The following TTC7A variants were observed in gnomAD, a reference collection of about 807,000 sequenced individuals.
The protein encoded by TTC7A is tetratricopeptide repeat domain 7A.
TTC7A carries 110 observed loss-of-function variants against 103.7 expected under a neutral mutation model. The observed-to-expected ratio is 1.06, with a 90% CI of 0.91 to 1.24. The LOEUF is 1.24. TTC7A is among the 50% of genes most tolerant of loss of function. The pLI is 0.00. For missense variants in TTC7A, 1,340 were observed against 1,116.3 expected, an observed-to-expected ratio of 1.20 and a Z score of -2.86; for synonymous variants, 521 against 467.9, an observed-to-expected ratio of 1.11 and a Z score of -1.47.
intron 5 of TTC7A, among the ~76,000 whole-genome samples, chr2:46,988,857 G>A (rs1675312251): frequency 6.6e-6 from 1 of 152,182 alleles, no homozygotes; most frequent in African/African-American, 2.4e-5. Flanking sequence ...CCGTAAGCCT[G>A]CCTCTCCCTT....
At chr2:47,058,631 G>A (rs977483443) in intron 18 of TTC7A, among the ~76,000 whole-genome samples, 1 of 152,222 alleles carries the variant, frequency 6.6e-6, no homozygotes, top group African/African-American at 2.4e-5. Flanking sequence ...GCCCTTCTGC[G>A]TTCCTCATCT....
chr2:46,945,125 C>A (rs987026757), intron 1 of TTC7A, among the ~76,000 whole-genome samples: 1 of 152,004 alleles, frequency 6.6e-6, no homozygotes, highest in African/African-American at 2.4e-5. Context: ...TTGAGACTTT[C>A]TTTTTAATTT....
chr2:47,060,621 C>G (rs1344193520), intron 18 of TTC7A, 148 bp from the exon 19 acceptor site: 11 of 681,476 alleles, frequency 1.6e-5, no homozygotes. Context: ...CCACTACATC[C>G]TATAGTCAGT....
rs111382384 is a variant in TTC7A, at chr2:47,023,340, T to C, written c.1511-68T>C. 9.5e-3 allele frequency: 14,502 copies of C among 1,521,064 alleles called. 1,136 individuals carry two copies. In the African/African-American group the frequency reaches 0.18, roughly 18 times the overall value. The allele number at this position is 1,521,064 out of a possible 1,614,324, so 94.2% of individuals were successfully genotyped here. On this transcript the variant is annotated intron_variant, in intron 12 of 19. Coordinates refer to ENST00000319190, the MANE Select transcript of TTC7A (RefSeq NM_020458.4). ...TCTGCAGAGCTGTGTGCTTTGAGGA[T>C]GGTGCAGGGCTGGGCCGGCACCCTT...
chr2:46,977,972 G>A (rs1558530505), intron 4 of TTC7A: 1 of 152,254 alleles, frequency 6.6e-6, no homozygotes. Context: ...GCATAAGTAA[G>A]ATTTGGGCTT....
At chr2:47,006,758 C>A (rs776719371) in intron 10 of TTC7A, 34 bp downstream of exon 10, 3 of 1,519,600 alleles carry the variant, frequency 2.0e-6, no homozygotes, top group Admixed American at 3.3e-5. Flanking sequence ...GTTGCACACT[C>A]ACCCGCAGGG....
intron 18 of TTC7A, among the ~76,000 whole-genome samples, chr2:47,056,312 C>G (rs1273667194): frequency 6.6e-6 from 1 of 152,234 alleles, no homozygotes; most frequent in Non-Finnish European, 1.5e-5. Context: ...AGGGTCAAGG[C>G]TAGCCATGGT....
intron 19 of TTC7A, among the ~76,000 whole-genome samples, chr2:47,071,595 T>C (rs1376369883): frequency 2.6e-5 from 4 of 152,204 alleles, no homozygotes; most frequent in South Asian, 4.1e-4. Flanking sequence ...TCAGAGAAAG[T>C]TGGCCATTTG....
In TTC7A at chr2:47,024,308, T is replaced by C; in HGVS notation, c.1590T>C (p.Ser530=). The change falls in exon 14 of 20, where the codon AGT becomes AGC. Residue 530 remains serine, a synonymous_variant. Coordinates refer to ENST00000319190, the MANE Select transcript of TTC7A (RefSeq NM_020458.4). ...ACAGGGCTCAGCAGCTGGCGCCCAG[T>C]GACCCCCAGGTCATCCTCTATGTCT... ...TLERAQQLAP[S]DPQVILYVSL... is the part of the protein sequence containing the mutation. The C allele has an allele frequency of 6.2e-7, 1 of 1,608,108 alleles. No individual in the cohort carries two copies. Among genetic ancestry groups the C allele is most frequent in the South Asian group, 1.1e-5 (1 of 90,308 alleles).
At chr2:47,046,260 A>G (rs972381996) in intron 15 of TTC7A, 55 bp from the exon 16 acceptor site, 7 of 1,408,440 alleles carry the variant, frequency 5.0e-6, no homozygotes, top group African/African-American at 2.8e-5. Context: ...CAGGATCCCC[A>G]GGTGAAAGTG....
intron 1 of TTC7A, among the ~76,000 whole-genome samples, chr2:46,916,927 C>G (rs556299940): frequency 6.6e-6 from 1 of 151,968 alleles, no homozygotes; most frequent in Admixed American, 6.5e-5. Context: ...GCCACCACTC[C>G]CGGCAGGACG....
chr2:46,926,150 G>C (rs935544390), intron 2 of TTC7A, among the ~76,000 whole-genome samples: 2 of 152,178 alleles, frequency 1.3e-5, no homozygotes, highest in African/African-American at 4.8e-5. Context: ...CTCCACAGAA[G>C]AATCTCCTCC....
At chr2:47,013,456 C>T (rs896511473) in intron 11 of TTC7A, among the ~76,000 whole-genome samples, 9 of 152,130 alleles carry the variant, frequency 5.9e-5, no homozygotes, top group African/African-American at 2.2e-4. Context: ...GCTCCTAGGG[C>T]TTCTGAGAGG....
intron 8 of TTC7A, chr2:46,999,680 A>G (rs1676592423): frequency 1.0e-6 from 1 of 985,350 alleles, no homozygotes. Flanking sequence ...TTTTGAAAGA[A>G]CCGTGTATCA....
Position 46,941,368 on chromosome 2 carries a change from T to A in TTC7A, c.-174T>A, listed in dbSNP as rs1017197596. The A allele has an allele frequency of 7.5e-6, 3 of 398,120 alleles. No individual in the cohort carries two copies. Among genetic ancestry groups the A allele is most frequent in the African/African-American group, 6.4e-5 (3 of 46,696 alleles). The allele number at this position is 398,120 out of a possible 1,614,324, so 24.7% of individuals were successfully genotyped here. ...GCGGTGCGCTGGGAGCTGCTGGTGC[T>A]GCTGCTGCTGCTGCTGCCCACCCTC... On this transcript the variant is annotated 5_prime_UTR_variant, in exon 1 of 20. Transcript: ENST00000319190. This position sits in a 1 kb window ranked among gnomAD's most constrained non-coding sequence, Gnocchi z 4.2.
chr2:47,003,061 G>A lies in TTC7A; in HGVS notation c.1066-2861G>A, dbSNP rs551315338. Among the ~76,000 whole-genome samples the A allele has an allele frequency of 2.0e-5, 3 of 152,240 alleles. No homozygotes were observed. The South Asian group carries it at 6.2e-4, about 32-fold the overall frequency. On this transcript the variant is annotated intron_variant, in intron 8 of 19. Coordinates refer to ENST00000319190, the MANE Select transcript of TTC7A (RefSeq NM_020458.4). The stretch of plus-strand genomic sequence containing the variant: ...TCTGACCTAATTAACGCCCGGTTCT[G>A]AAAATCCACCCCTCCCTCTGCCAGA...
At chr2:46,949,584 A>G (rs975712129) in intron 1 of TTC7A, among the ~76,000 whole-genome samples, 22 of 152,140 alleles carry the variant, frequency 1.4e-4, no homozygotes, top group African/African-American at 4.8e-4. Context: ...CAAATGAGCT[A>G]CCCTCATTTG....
chr2:46,983,473 C>G (rs1674685919), intron 5 of TTC7A, among the ~76,000 whole-genome samples: 2 of 152,208 alleles, frequency 1.3e-5, no homozygotes, highest in South Asian at 4.1e-4. Flanking sequence ...CCCTTGTCTC[C>G]CTCTGCCAGT....
chr2:47,051,871 C>T lies in TTC7A; in HGVS notation c.2143C>T (p.Leu715=). The change falls in exon 18 of 20, where the codon CTG becomes TTG. Residue 715 remains leucine (L), a synonymous_variant. Coordinates refer to ENST00000319190, the MANE Select transcript of TTC7A (RefSeq NM_020458.4). The part of the protein sequence containing the change: ...QLWTTLEQIW[L]QAAELFMEQQ... ...GTGGACCACGCTGGAACAGATCTGG[C>T]TGCAGGCTGGTGAGTGCCCTGGTCC... 1 of 1,609,608 alleles carries T rather than the reference C, an allele frequency of 6.2e-7. No homozygotes were observed. The highest frequency in any genetic ancestry group is 8.5e-7 in the Non-Finnish European group (1 of 1,178,336).
Sources: allele counts gnomAD v4.1 joint callset (sites outside exome capture counted in the v4.1 genomes callset), GRCh38; gene constraint gnomAD v4.1.1; non-coding constraint Gnocchi (gnomAD v3.1); transcripts MANE v1.5; gene names NCBI Gene and HGNC (gene_info 2026-07-23, HGNC 2026-07-21).